The following JAM3 variants were observed in gnomAD, a reference collection of about 807,000 sequenced individuals.
The protein encoded by JAM3 is junctional adhesion molecule C.
JAM3 carries 31 observed loss-of-function variants against 39.4 expected under a neutral mutation model. That is an observed-to-expected ratio of 0.79 (90% CI 0.59 to 1.06). JAM3 has a LOEUF of 1.06. Ranked by LOEUF, JAM3 falls within the 50% of genes least tolerant of loss-of-function variation. JAM3 has a pLI of 0.00. For missense variants in JAM3, 455 were observed against 391.4 expected, an observed-to-expected ratio of 1.16 and a Z score of -1.37; for synonymous variants, 182 against 148.7, an observed-to-expected ratio of 1.22 and a Z score of -1.63.
chr11:134,095,973 TTTTA>T (rs937961366), intron 1 of JAM3, among the ~76,000 whole-genome samples: 21 of 152,184 alleles, frequency 1.4e-4, no homozygotes, highest in South Asian at 4.2e-4. Context: ...TTGCCATGCA[TTTTA>T]TTTATTTATT....
chr11:134,121,821 G>GCGCACACACACACA (rs369702081), intron 1 of JAM3, among the ~76,000 whole-genome samples: 1 of 148,422 alleles, frequency 6.7e-6, no homozygotes, highest in African/African-American at 2.5e-5. Context: ...GCATGTGTGC[G>GCGCACACACACACA]CACACACACA....
At chr11:134,080,912 T>C (rs1941655081) in intron 1 of JAM3, among the ~76,000 whole-genome samples, 1 of 152,118 alleles carries the variant, frequency 6.6e-6, no homozygotes, top group African/African-American at 2.4e-5. Flanking sequence ...AATGCTGATA[T>C]TGATATGGAT....
chr11:134,072,876 C>G (rs972793723), intron 1 of JAM3, among the ~76,000 whole-genome samples: 2 of 152,080 alleles, frequency 1.3e-5, no homozygotes, highest in Non-Finnish European at 2.9e-5. Context: ...CGCCACTGCA[C>G]TCTTGCCTGG....
rs1415732719 is a variant in JAM3 at position 134,151,713 on chromosome 11, ATTTG to A, written c.*2536_*2539del. 6.6e-6 allele frequency: 1 copy of A among 152,198 alleles called. No homozygotes were observed. Among genetic ancestry groups the A allele is most frequent in the Admixed American group, 6.5e-5 (1 of 15,278 alleles). 9.4% of individuals were successfully genotyped at this position (152,198 alleles called of 1,614,324 possible). A position where few individuals can be genotyped will look rare whatever the true frequency, so the allele number is the denominator to read the frequency against. ...TTGTACTAACACACCGTAATTTGGC[ATTTG>A]TTTAACCTCATTTATAAAAGCTTCA... On this transcript the variant is annotated 3_prime_UTR_variant, in exon 9 of 9. Coordinates refer to ENST00000299106, the MANE Select transcript of JAM3 (RefSeq NM_032801.5).
chr11:134,102,403 A>G (rs893882811), intron 1 of JAM3, among the ~76,000 whole-genome samples: 1 of 152,194 alleles, frequency 6.6e-6, no homozygotes, highest in Non-Finnish European at 1.5e-5. Flanking sequence ...ATAAAACCAC[A>G]AAGATGGGGA....
At chr11:134,132,776 C>T (rs528108623) in intron 1 of JAM3, among the ~76,000 whole-genome samples, 11 of 152,294 alleles carry the variant, frequency 7.2e-5, no homozygotes, top group African/African-American at 2.4e-4. Context: ...GGAGATAAAA[C>T]TCACGAGAAT....
intron 1 of JAM3, among the ~76,000 whole-genome samples, chr11:134,084,320 G>A (rs1591771509): frequency 6.6e-6 from 1 of 152,186 alleles, no homozygotes; most frequent in Non-Finnish European, 1.5e-5. Context: ...TCATGAAGGA[G>A]CATAGCTAGA....
At chr11:134,131,398 C>A (rs1226590469) in intron 1 of JAM3, among the ~76,000 whole-genome samples, 4 of 151,178 alleles carry the variant, frequency 2.6e-5, no homozygotes, top group Non-Finnish European at 4.4e-5. Flanking sequence ...CTACTACAGC[C>A]TTAAACAGTA....
rs1054673387 is a variant in JAM3, at chr11:134,149,203, C to G, written c.*22C>G. 6.2e-7 allele frequency: 1 copy of G among 1,613,888 alleles called. No homozygotes were observed. The highest frequency in any genetic ancestry group is 8.5e-7 in the Non-Finnish European group (1 of 1,179,820). ...CTGAGACCCGCGGTGTGGCTGAGAG[C>G]GCACAGAGCGCACGTGCACATACCT... On this transcript the variant is annotated 3_prime_UTR_variant, in exon 9 of 9. Coordinates refer to ENST00000299106, the MANE Select transcript of JAM3 (RefSeq NM_032801.5).
At chr11:134,102,441 C>A (rs470451) in intron 1 of JAM3, among the ~76,000 whole-genome samples, 60,035 of 152,006 alleles carry the variant, frequency 0.39, 12,911 homozygotes, top group African/African-American at 0.58. Flanking sequence ...GCTGAAAATT[C>A]TAAAAATCAG....
chr11:134,115,757 C>T (rs895585724), intron 1 of JAM3, among the ~76,000 whole-genome samples: 1 of 151,802 alleles, frequency 6.6e-6, no homozygotes, highest in Admixed American at 6.6e-5. Context: ...ATTAGCAAGG[C>T]ATAGTGGCAC....
At chr11:134,087,835 T>A (rs470531) in intron 1 of JAM3, among the ~76,000 whole-genome samples, 1 of 152,058 alleles carries the variant, frequency 6.6e-6, no homozygotes, top group African/African-American at 2.4e-5. Flanking sequence ...AAAGGTATTC[T>A]GTAAACCAGT....
At chr11:134,077,530 A>AT (rs1315923461) in intron 1 of JAM3, among the ~76,000 whole-genome samples, 208 of 147,996 alleles carry the variant, frequency 1.4e-3, no homozygotes, top group Non-Finnish European at 8.0e-4. Context: ...TGCCTAGCTA[A>AT]TTTTTGTATT....
At chr11:134,123,107 T>C (rs1416332210) in intron 1 of JAM3, among the ~76,000 whole-genome samples, 1 of 151,986 alleles carries the variant, frequency 6.6e-6, no homozygotes, top group Admixed American at 6.6e-5. Context: ...TAGTATTAGA[T>C]AGGGTTTTGA....
chr11:134,123,934 G>C, intron 1 of JAM3: 1 of 1,378,706 alleles, frequency 7.3e-7, no homozygotes. Flanking sequence ...CTTCTTTTTT[G>C]TGTTATAAAC....
chr11:134,100,596 C>T (rs1235279729), intron 1 of JAM3, among the ~76,000 whole-genome samples: 2 of 152,208 alleles, frequency 1.3e-5, no homozygotes, highest in African/African-American at 2.4e-5. Context: ...GGTCTGTACA[C>T]CACTGAAATC....
At chr11:134,140,570 T>G in intron 2 of JAM3, 87 bp from the exon 3 acceptor site, 1 of 1,095,306 alleles carries the variant, frequency 9.1e-7, no homozygotes, top group Non-Finnish European at 1.4e-6. Context: ...AAAGGCCTCT[T>G]GAATTAGAGC....
intron 6 of JAM3, among the ~76,000 whole-genome samples, chr11:134,146,935 T>C (rs1470317637): frequency 6.6e-6 from 1 of 152,208 alleles, no homozygotes; most frequent in East Asian, 1.9e-4. Flanking sequence ...TTTCCAAAAC[T>C]GCCTGGTGAT....
intron 1 of JAM3, among the ~76,000 whole-genome samples, chr11:134,115,180 G>C (rs960363225): frequency 2.0e-5 from 3 of 152,028 alleles, no homozygotes; most frequent in African/African-American, 7.2e-5. Context: ...AATATACTTT[G>C]ATACTAATAT....
Sources: allele counts gnomAD v4.1 joint callset (sites outside exome capture counted in the v4.1 genomes callset), GRCh38; gene constraint gnomAD v4.1.1; transcripts MANE v1.5; gene names NCBI Gene and HGNC (gene_info 2026-07-23, HGNC 2026-07-21).